Variants in CTTNBP2 observed in about 807,000 individuals in gnomAD.
CTTNBP2 encodes the protein cortactin binding protein 2.
A neutral mutation model predicts 156.9 loss-of-function variants in CTTNBP2; 108 were observed. The ratio of observed to expected loss-of-function variants is 0.69; its 90% CI spans 0.59 to 0.81. CTTNBP2 has a LOEUF of 0.81. Among genes scored for constraint, CTTNBP2 ranks in the 30% least tolerant of loss-of-function variants. The probability of loss-of-function intolerance (pLI) is 0.00; values close to 1 mark genes in which losing one functional copy is unlikely to be tolerated. For missense variants in CTTNBP2, 1,924 were observed against 2,035.4 expected (o/e 0.95, Z 1.05); for synonymous variants, 767 against 751.8 (o/e 1.02, Z -0.33).
intron 2 of CTTNBP2, among the ~76,000 whole-genome samples, chr7:117,845,131 ATTT>A (rs148711411): frequency 0.012 from 1,899 of 152,240 alleles, 40 homozygotes; most frequent in African/African-American, 0.042. Context: ...AGAGAATTTA[ATTT>A]CACTGGCACC....
chr7:117,724,190 A>G (rs934224376), intron 19 of CTTNBP2, among the ~76,000 whole-genome samples: 4 of 152,152 alleles, frequency 2.6e-5, no homozygotes, highest in Middle Eastern at 3.2e-3. Context: ...TTAATGTAAG[A>G]TTAACTTAGG....
intron 9 of CTTNBP2, 118 bp downstream of exon 9, chr7:117,766,941 C>G: frequency 1.5e-6 from 1 of 680,728 alleles, no homozygotes; most frequent in Non-Finnish European, 2.7e-6. Flanking sequence ...TTTGCCATAG[C>G]TAGGGCTCCA....
chr7:117,858,092 C>T (rs142820669), intron 2 of CTTNBP2, among the ~76,000 whole-genome samples: 9 of 152,290 alleles, frequency 5.9e-5, no homozygotes, highest in African/African-American at 1.9e-4. Flanking sequence ...CTCCATAGGT[C>T]GGGCGCGGTG....
chr7:117,852,366 C>A (rs1262879128), intron 2 of CTTNBP2, among the ~76,000 whole-genome samples: 5 of 150,454 alleles, frequency 3.3e-5, no homozygotes, highest in Non-Finnish European at 7.4e-5. Context: ...AATGCAACTA[C>A]AAGAGACAGA....
At chr7:117,796,524 C>T (rs566814206) in intron 3 of CTTNBP2, among the ~76,000 whole-genome samples, 5 of 152,234 alleles carry the variant, frequency 3.3e-5, no homozygotes, top group East Asian at 3.9e-4. Context: ...ATTCTGATCC[C>T]GAACTTACTA....
chr7:117,822,418 T>C (rs1801021693), intron 2 of CTTNBP2, among the ~76,000 whole-genome samples: 1 of 152,230 alleles, frequency 6.6e-6, no homozygotes, highest in South Asian at 2.1e-4. Context: ...TTCTACTTTG[T>C]GTTTACTTTC....
At chr7:117,831,561 G>C (rs1340544513) in intron 2 of CTTNBP2, among the ~76,000 whole-genome samples, 5 of 152,132 alleles carry the variant, frequency 3.3e-5, no homozygotes, top group African/African-American at 1.2e-4. Context: ...TCCAGAATCT[G>C]CCATCTGTGC....
chr7:117,715,928 G>A (rs1333190415), intron 22 of CTTNBP2: 2 of 152,178 alleles, frequency 1.3e-5, no homozygotes, highest in Non-Finnish European at 2.9e-5. Context: ...AGTAGGAGAA[G>A]AGAAAAGGCA....
chr7:117,721,206 C>T lies in CTTNBP2; in HGVS notation c.4448-76G>A, dbSNP rs921907324. 7.7e-6 allele frequency: 7 copies of T among 908,212 alleles called. No individual in the cohort carries two copies. The East Asian group carries it at 1.7e-4, about 22-fold the overall frequency. The allele number at this position is 908,212 out of a possible 1,614,324, so 56.3% of individuals were successfully genotyped here. ...GAATTCTGTATTTAAAAGAAACAGA[C>T]TGTGGACTTTGCAGTACTTTCATAC... is the stretch of plus-strand genomic sequence containing the variant. On this transcript the variant is annotated intron_variant, in intron 19 of 22. Transcript: ENST00000160373.
At chr7:117,821,322 T>A (rs1800948698) in intron 2 of CTTNBP2, among the ~76,000 whole-genome samples, 1 of 151,626 alleles carries the variant, frequency 6.6e-6, no homozygotes, top group Admixed American at 6.6e-5. Flanking sequence ...TTATGTTGGC[T>A]GTGTGGTTTT....
intron 1 of CTTNBP2, among the ~76,000 whole-genome samples, chr7:117,862,813 C>T (rs1023268417): frequency 2.6e-5 from 4 of 152,198 alleles, no homozygotes; most frequent in African/African-American, 9.6e-5. Context: ...CATATTGCCA[C>T]CTCCATTTTT....
In CTTNBP2 at chr7:117,734,913, C is replaced by T. The variant is rs747688753; in HGVS notation, c.3876G>A (p.Lys1292=). The T allele has an allele frequency of 3.2e-6, 5 of 1,585,718 alleles. No individual in the cohort carries two copies. Among genetic ancestry groups the T allele is most frequent in the South Asian group, 1.1e-5 (1 of 88,350 alleles). ...ACAGGCTGCACTTGCTGTTTGTTAC[C>T]TTATTCACAACTTTCCTTCGTAAGA... is the stretch of plus-strand genomic sequence containing the variant. ...QRFLRRKVVN[K]FKGQAPSPCD... The change falls in exon 16 of 23, where the codon AAG becomes AAA. Residue 1292 remains lysine, a splice_region_variant and synonymous_variant. Transcript: ENST00000160373.
chr7:117,863,171 G>A (rs1803887063), intron 1 of CTTNBP2, among the ~76,000 whole-genome samples: 3 of 152,230 alleles, frequency 2.0e-5, no homozygotes, highest in South Asian at 4.1e-4. Context: ...AGAGACTAGA[G>A]CTAGGGGGTT....
intron 8 of CTTNBP2, among the ~76,000 whole-genome samples, chr7:117,771,451 A>G (rs1466871898): frequency 1.3e-5 from 2 of 152,206 alleles, no homozygotes; most frequent in African/African-American, 2.4e-5. Flanking sequence ...GCAAGAAGGT[A>G]GAGTTAGGTG....
chr7:117,794,355 C>T (rs1052357535), intron 3 of CTTNBP2, among the ~76,000 whole-genome samples: 1 of 152,144 alleles, frequency 6.6e-6, no homozygotes. Context: ...GTTCCACTGG[C>T]GGTCCATAAT....
chr7:117,758,981 C>T (rs1177046910), intron 10 of CTTNBP2, among the ~76,000 whole-genome samples: 1 of 152,200 alleles, frequency 6.6e-6, no homozygotes, highest in African/African-American at 2.4e-5. Flanking sequence ...CTTCAAAACA[C>T]AGTTGTACTG....
At chr7:117,816,836 T>G (rs1446246331) in intron 2 of CTTNBP2, among the ~76,000 whole-genome samples, 1 of 152,074 alleles carries the variant, frequency 6.6e-6, no homozygotes, top group Non-Finnish European at 1.5e-5. Context: ...AAAAATGACT[T>G]GAAATGTTTA....
chr7:117,773,688 CA>C lies in CTTNBP2; in HGVS notation c.2778+3822del, dbSNP rs1562992364. Among the ~76,000 whole-genome samples, 50 of 150,180 alleles carry C rather than the reference CA, an allele frequency of 3.3e-4. 1 individual carries two copies. Among genetic ancestry groups the C allele is most frequent in the South Asian group, 1.1e-3 (5 of 4,760 alleles). ...ACACACACACACACACACACACACA[CA>C]CACACACACACACACACACCCCAAA... On this transcript the variant is annotated intron_variant, in intron 8 of 22. Transcript: ENST00000160373.
intron 9 of CTTNBP2, among the ~76,000 whole-genome samples, chr7:117,761,596 G>A (rs1247107912): frequency 6.6e-6 from 1 of 152,122 alleles, no homozygotes; most frequent in Admixed American, 6.5e-5. Context: ...GACAGTTTAG[G>A]AACTGTTAAA....
Sources: allele counts gnomAD v4.1 joint callset (sites outside exome capture counted in the v4.1 genomes callset), GRCh38; gene constraint gnomAD v4.1.1; transcripts MANE v1.5; gene names NCBI Gene and HGNC (gene_info 2026-07-23, HGNC 2026-07-21).